The following SCLY variants were observed in gnomAD, a reference collection of about 807,000 sequenced individuals.
SCLY encodes the protein selenocysteine lyase.
SCLY carries 38 observed loss-of-function variants against 50.1 expected under a neutral mutation model. The observed-to-expected ratio is 0.76, with a 90% confidence interval of 0.59 to 0.99. The LOEUF (loss-of-function observed/expected upper bound fraction) is 0.99. Ranked by LOEUF, SCLY falls within the 50% of genes least tolerant of loss-of-function variation. The pLI is 0.00. For synonymous variants in SCLY, 243 were observed against 249.4 expected, an observed-to-expected ratio of 0.97 and a Z score of 0.24; for missense variants, 600 against 620.0, an observed-to-expected ratio of 0.97 and a Z score of 0.34.
intron 10 of SCLY, 109 bp downstream of exon 10, chr2:238,094,631 G>A: frequency 3.1e-6 from 3 of 956,360 alleles, no homozygotes; most frequent in Non-Finnish European, 4.9e-6. Flanking sequence ...GCATGACACA[G>A]CTCGGGCTGT....
At chr2:238,094,571 G>A (rs777044546) in intron 10 of SCLY, 49 bp downstream of exon 10, 19 of 1,472,340 alleles carry the variant, frequency 1.3e-5, no homozygotes, top group African/African-American at 1.1e-4. Context: ...CAGCTCCCTC[G>A]GTGCGTGGAT....
Position 238,066,903 on chromosome 2 carries a change from G to A in SCLY, c.203-1162G>A, listed in dbSNP as rs570013030. 3.3e-5 allele frequency among the ~76,000 whole-genome samples: 5 copies of A among 152,222 alleles called. No homozygotes were observed. Among genetic ancestry groups the A allele is most frequent in the Non-Finnish European group, 5.9e-5 (4 of 68,042 alleles). ...GAGCAAAGTCACATCTTACATGGCAGCAGAGAAGAGTGTGCGTGCAGGGGA... is the reference window on the plus strand; with the variant it reads ...GAGCAAAGTCACATCTTACATGGCAACAGAGAAGAGTGTGCGTGCAGGGGA... On this transcript the variant is annotated intron_variant, in intron 2 of 11. Transcript: ENST00000254663. This position sits in a 1 kb window ranked among gnomAD's most constrained non-coding sequence, Gnocchi z 4.1.
In SCLY at chr2:238,093,911, G is replaced by T. The variant is rs757530337; in HGVS notation, c.972G>T (p.Arg324Ser). ...GCGAGGCTTATGAGGCCCACATGAG[G>T]GACGTCCGCGACTACCTGGAAGAGA... is the stretch of plus-strand genomic sequence containing the variant. ...QNCEAYEAHM[R>S]DVRDYLEERL... Residue 324 changes from arginine (R) to serine (S), a missense_variant, in exon 9 of 12, where the codon AGG (arginine) becomes AGT (serine). Transcript: ENST00000254663. 13 of 1,613,898 alleles carry T rather than the reference G, an allele frequency of 8.1e-6. No homozygotes were observed. Among genetic ancestry groups the T allele is most frequent in the Non-Finnish European group, 8.5e-7 (1 of 1,180,010 alleles).
intron 1 of SCLY, among the ~76,000 whole-genome samples, chr2:238,063,865 C>T (rs2106434627): frequency 6.6e-6 from 1 of 152,336 alleles, no homozygotes; most frequent in South Asian, 2.1e-4. Context: ...GATGGGTAAT[C>T]TGGGCCCAAC....
intron 1 of SCLY, 81 bp downstream of exon 1, chr2:238,061,224 C>T (rs2065014045): frequency 3.7e-6 from 4 of 1,087,660 alleles, no homozygotes; most frequent in African/African-American, 1.6e-5. Context: ...AGGGGGCTCC[C>T]GGCCTGTGGC....
Position 238,083,198 on chromosome 2 carries a change from T to C in SCLY, c.778-50T>C, listed in dbSNP as rs1206445211. ...CTAAGCACTTAGCATGTATACAGAG[T>C]AGGTCCTTGGAAAGTTCTTGTTGAA... is the stretch of plus-strand genomic sequence containing the variant. On this transcript the variant is annotated intron_variant, in intron 6 of 11. Transcript: ENST00000254663. This position sits in a 1 kb window ranked among gnomAD's most constrained non-coding sequence, Gnocchi z 4.3. 8.0e-7 allele frequency: 1 copy of C among 1,254,166 alleles called. No homozygotes were observed. The highest frequency in any genetic ancestry group is 1.5e-5 in the African/African-American group (1 of 67,436). The allele number at this position is 1,254,166 out of a possible 1,614,324, so 77.7% of individuals were successfully genotyped here.
chr2:238,088,317 C>G (rs1029161628), intron 7 of SCLY, among the ~76,000 whole-genome samples: 1 of 151,934 alleles, frequency 6.6e-6, no homozygotes, highest in Non-Finnish European at 1.5e-5. Context: ...CAAAAATTAG[C>G]CAGGTGTGGT....
At chr2:238,089,157 T>C (rs1179321477) in intron 7 of SCLY, among the ~76,000 whole-genome samples, 1 of 152,110 alleles carries the variant, frequency 6.6e-6, no homozygotes, top group Admixed American at 6.6e-5. Flanking sequence ...AAAAATATAA[T>C]ACCATTTACA....
At position 238,066,765 on chromosome 2, in the gene SCLY, C is replaced by T. The variant is rs925548858; in HGVS notation, c.203-1300C>T. ...CTGAGTGTATTAGTCTGTTCTCATG[C>T]TGCTAATGAAGATGTACCTGAGACT... On this transcript the variant is annotated intron_variant, in intron 2 of 11. Transcript: ENST00000254663. This position sits in a 1 kb window ranked among gnomAD's most constrained non-coding sequence, Gnocchi z 4.1. 6.6e-6 allele frequency among the ~76,000 whole-genome samples: 1 copy of T among 152,294 alleles called. No individual in the cohort carries two copies. The highest frequency in any genetic ancestry group is 2.1e-4 in the South Asian group (1 of 4,828).
intron 7 of SCLY, among the ~76,000 whole-genome samples, chr2:238,088,063 C>G (rs2065318202): frequency 6.6e-6 from 1 of 152,168 alleles, no homozygotes. Flanking sequence ...CCACTGCACT[C>G]CAGTTTGGGT....
At chr2:238,065,152 A>G (rs2065056459) in intron 2 of SCLY, 2 of 152,254 alleles carry the variant, frequency 1.3e-5, no homozygotes. Context: ...CATACGATTT[A>G]GTAACACTTG....
chr2:238,094,034 G>A (rs988523000), intron 9 of SCLY, 90 bp downstream of exon 9: 1 of 1,137,406 alleles, frequency 8.8e-7, no homozygotes, highest in African/African-American at 1.5e-5. Flanking sequence ...CAGACCCCAG[G>A]ACCTGTGGGG....
In SCLY at chr2:238,064,370, G is replaced by A; in HGVS notation, c.103G>A (p.Asp35Asn). The A allele has an allele frequency of 1.9e-6, 3 of 1,604,714 alleles. No individual in the cohort carries two copies. In the South Asian group the frequency reaches 3.4e-5, roughly 18 times the overall value. ...HNSPERKVYM[D>N]YNATTPLEPE... is the part of the protein sequence containing the mutation. ...TCTTTCCTTCAGGAAAGTTTATATGGACTATAATGCAACGACTCCCCTGGA... is the reference window on the plus strand; with the variant it reads ...TCTTTCCTTCAGGAAAGTTTATATGAACTATAATGCAACGACTCCCCTGGA... The change falls in exon 2 of 12, where the codon GAC becomes AAC. Residue 35 changes from aspartate (D) to asparagine (N), a missense_variant. Asp to Asn is a conservative substitution (Grantham distance 23). Coordinates refer to ENST00000254663, the MANE Select transcript of SCLY (RefSeq NM_016510.7).
chr2:238,061,187 C>T, intron 1 of SCLY, 44 bp downstream of exon 1: 2 of 1,394,728 alleles, frequency 1.4e-6, no homozygotes, highest in East Asian at 2.6e-5. Flanking sequence ...CGGCGCCTGT[C>T]GCCGATTGTC....
intron 7 of SCLY, among the ~76,000 whole-genome samples, chr2:238,086,432 C>T (rs1202203848): frequency 6.6e-6 from 1 of 152,204 alleles, no homozygotes; most frequent in Non-Finnish European, 1.5e-5. Flanking sequence ...ACAACACAGG[C>T]TGACACGATG....
chr2:238,068,153 C>G lies in SCLY; in HGVS notation c.291C>G (p.Ser97=), dbSNP rs755962561. ...GGKPQDIIFT[S]GGTESNNLVI... is the part of the protein sequence containing the mutation. ...AACCTCAAGATATAATCTTCACTTC[C>G]GGGGGCACTGAGGTAAAGCTTCTGA... Residue 97 remains serine (S), a synonymous_variant, in exon 3 of 12, where the codon TCC becomes TCG. Coordinates refer to ENST00000254663, the MANE Select transcript of SCLY (RefSeq NM_016510.7). The G allele has an allele frequency of 6.2e-7, 1 of 1,607,268 alleles. No individual in the cohort carries two copies. The highest frequency in any genetic ancestry group is 1.3e-5 in the African/African-American group (1 of 74,640).
intron 7 of SCLY, among the ~76,000 whole-genome samples, chr2:238,087,598 A>G (rs1180795187): frequency 1.3e-5 from 2 of 152,212 alleles, no homozygotes; most frequent in Non-Finnish European, 2.9e-5. Context: ...AAGAATTAAC[A>G]TTTCTATACA....
At chr2:238,092,750 C>T (rs2065378632) in intron 8 of SCLY, 1 of 152,998 alleles carries the variant, frequency 6.5e-6, no homozygotes, top group Admixed American at 6.5e-5. Context: ...CCCAATGCCA[C>T]CAGCGCTCTA....
rs748225177 is a variant in SCLY at position 238,069,377 on chromosome 2, C to T, written c.384C>T (p.His128=). ...CAAAGGGACACACAGGTGGGCACCA[C>T]AGCCCAGTGAAGGGGGCCAAGCCCC... ...QTSKGHTGGH[H]SPVKGAKPHF... is the part of the protein sequence containing the mutation. Residue 128 remains histidine, a synonymous_variant, in exon 4 of 12, where the codon CAC becomes CAT. Coordinates refer to ENST00000254663, the MANE Select transcript of SCLY (RefSeq NM_016510.7). This position sits in a 1 kb window ranked among gnomAD's most constrained non-coding sequence, Gnocchi z 5.0. 3.1e-6 allele frequency: 5 copies of T among 1,614,186 alleles called. No homozygotes were observed. The highest frequency in any genetic ancestry group is 4.5e-5 in the East Asian group (2 of 44,896).
Sources: allele counts gnomAD v4.1 joint callset (sites outside exome capture counted in the v4.1 genomes callset), GRCh38; gene constraint gnomAD v4.1.1; non-coding constraint Gnocchi (gnomAD v3.1); transcripts MANE v1.5; gene names NCBI Gene and HGNC (gene_info 2026-07-23, HGNC 2026-07-21).